Variants in USP17L7 observed in about 807,000 individuals in gnomAD.
The protein encoded by USP17L7 is ubiquitin specific peptidase 17 like family member 7.
USP17L7 carries 53 observed loss-of-function variants against 37.6 expected under a neutral mutation model. The ratio of observed to expected loss-of-function variants is 1.41; its 90% confidence interval spans 1.13 to 1.77. The LOEUF (loss-of-function observed/expected upper bound fraction) is 1.77. USP17L7 is among the 40% of genes most tolerant of loss of function. The probability of loss-of-function intolerance (pLI) is 0.00; values close to 1 mark genes in which losing one functional copy is unlikely to be tolerated. For missense variants in USP17L7, 914 were observed against 645.0 expected (o/e 1.42, Z -4.52); for synonymous variants, 330 against 251.0 (o/e 1.31, Z -2.98).
Position 12,132,877 on chromosome 8 carries a change from C to T in USP17L7, c.1133G>A (p.Trp378Ter), listed in dbSNP as rs1372070754. Residue 378 changes from tryptophan (W) to a stop codon, truncating the protein, a stop_gained, in exon 1 of 1, where the codon TGG becomes TAG. Coordinates refer to ENST00000530447, the MANE Select transcript of USP17L7 (RefSeq NM_001256869.2). LOFTEE classifies it high-confidence loss of function. ...YVLFYIQKSE[W>*]ERHSESVSRG... ...TGACACACTCTCACTGTGTCTTTCCCATTCACTCTTCTGGATGTAAAAGAG... is the reference window on the plus strand; with the variant it reads ...TGACACACTCTCACTGTGTCTTTCCTATTCACTCTTCTGGATGTAAAAGAG... The T allele has an allele frequency of 6.7e-7, 1 of 1,495,624 alleles. No individual in the cohort carries two copies. The highest frequency in any genetic ancestry group is 9.1e-7 in the Non-Finnish European group (1 of 1,095,070). 92.6% of individuals were successfully genotyped at this position (1,495,624 alleles called of 1,614,324 possible). A position where few individuals can be genotyped will look rare whatever the true frequency, so the allele number is the denominator to read the frequency against.
Position 12,133,554 on chromosome 8 carries a change from G to C in USP17L7, c.456C>G (p.Gly152=). The C allele has an allele frequency of 7.1e-7, 1 of 1,417,188 alleles. No homozygotes were observed. Among genetic ancestry groups the C allele is most frequent in the Non-Finnish European group, 9.7e-7 (1 of 1,027,172 alleles). 87.8% of individuals were successfully genotyped at this position (1,417,188 alleles called of 1,614,324 possible). Residue 152 remains glycine (G), a synonymous_variant, in exon 1 of 1, where the codon GGC becomes GGG. Transcript: ENST00000530447. ...VIQPSQVLAA[G]FHRGEQEDAH... ...CATCCTCCTGCTCACCTCTATGGAAGCCAGCAGCCAATACCTGTGAGGGCT... is the reference window on the plus strand; with the variant it reads ...CATCCTCCTGCTCACCTCTATGGAACCCAGCAGCCAATACCTGTGAGGGCT...
At position 12,133,935 on chromosome 8, in the gene USP17L7, T is replaced by A. The variant is rs774018125; in HGVS notation, c.75A>T (p.Leu25=). The A allele has an allele frequency of 2.1e-6, 3 of 1,399,178 alleles. 1 individual carries two copies. The highest frequency in any genetic ancestry group is 3.0e-6 in the Non-Finnish European group (3 of 1,011,176). The allele number at this position is 1,399,178 out of a possible 1,614,324, so 86.7% of individuals were successfully genotyped here. ...GCTGGATTTCAGCAAAAGCTGCATC[T>A]AGCCGAGAAGATGTGAGTTTTGAAA... ...NHFSKLTSSR[L]DAAFAEIQRT... is the part of the protein sequence containing the mutation. The change falls in exon 1 of 1, where the codon CTA becomes CTT. Residue 25 remains leucine (L), a synonymous_variant. Coordinates refer to ENST00000530447, the MANE Select transcript of USP17L7 (RefSeq NM_001256869.2).
chr8:12,132,894 G>A lies in USP17L7; in HGVS notation c.1116C>T (p.Tyr372=), dbSNP rs760814893. The change falls in exon 1 of 1, where the codon TAC becomes TAT. Residue 372 remains tyrosine, a synonymous_variant. Transcript: ENST00000530447. ...GTCTTTCCCATTCACTCTTCTGGAT[G>A]TAAAAGAGGACATAGGCCTGTTGAC... ...VLSQQAYVLF[Y]IQKSEWERHS... The A allele has an allele frequency of 3.1e-4, 455 of 1,491,298 alleles. 45 individuals carry two copies. The highest frequency in any genetic ancestry group is 3.8e-4 in the Non-Finnish European group (419 of 1,090,858). 92.4% of individuals were successfully genotyped at this position (1,491,298 alleles called of 1,614,324 possible).
Position 12,133,187 on chromosome 8 carries a change from C to T in USP17L7, c.823G>A (p.Val275Ile), listed in dbSNP as rs186384198. The T allele has an allele frequency of 6.6e-7, 1 of 1,511,028 alleles. No individual in the cohort carries two copies. The highest frequency in any genetic ancestry group is 1.7e-5 in the Admixed American group (1 of 57,332). The allele number at this position is 1,511,028 out of a possible 1,614,324, so 93.6% of individuals were successfully genotyped here. A position where few individuals can be genotyped will look rare whatever the true frequency, so the allele number is the denominator to read the frequency against. The change falls in exon 1 of 1, where the codon GTC becomes ATC. Residue 275 changes from valine (V) to isoleucine (I), a missense_variant. By Grantham distance (29) the Val-to-Ile change is conservative. Coordinates refer to ENST00000530447, the MANE Select transcript of USP17L7 (RefSeq NM_001256869.2). ...AATCTCTTCAATACAAGAATGAGGACCTTGGCAGAAGTGGGTAAAGTTAAC... is the reference window on the plus strand; with the variant it reads ...AATCTCTTCAATACAAGAATGAGGATCTTGGCAGAAGTGGGTAAAGTTAAC... Reference protein sequence around the residue: ...KTLTLPTSAKVLILVLKRFSD... With the variant: ...KTLTLPTSAKILILVLKRFSD...
In USP17L7 at chr8:12,133,985, C is replaced by A; in HGVS notation, c.25G>T (p.Gly9Ter). Residue 9 changes from glycine (G) to a stop codon, truncating the protein, a stop_gained, in exon 1 of 1, where the codon GGA (glycine) becomes TGA (stop). Transcript: ENST00000530447. LOFTEE classifies it high-confidence loss of function. ...AAGTGATTGAACTGCCAGTCACCTCCCAAATAGAGTGAGTCGTCTTCCATG... is the reference window on the plus strand; with the variant it reads ...AAGTGATTGAACTGCCAGTCACCTCACAAATAGAGTGAGTCGTCTTCCATG... The part of the protein sequence containing the change: MEDDSLYL[G>*]GDWQFNHFSK... 1.8e-6 allele frequency: 2 copies of A among 1,110,616 alleles called. No homozygotes were observed. Among genetic ancestry groups the A allele is most frequent in the Non-Finnish European group, 2.7e-6 (2 of 748,944 alleles). The allele number at this position is 1,110,616 out of a possible 1,614,324, so 68.8% of individuals were successfully genotyped here.
At position 12,134,031 on chromosome 8, in the gene USP17L7, A is replaced by C; in HGVS notation, c.-22T>G. On this transcript the variant is annotated 5_prime_UTR_variant, in exon 1 of 1. Coordinates refer to ENST00000530447, the MANE Select transcript of USP17L7 (RefSeq NM_001256869.2). Reference sequence around the variant, plus strand: ...CCATGTCGCCCGCAACAAGGATCACAAGGTTTTTCTGCTGGGACCGCAGGT... The same window carrying C: ...CCATGTCGCCCGCAACAAGGATCACCAGGTTTTTCTGCTGGGACCGCAGGT... 1 of 936,746 alleles carries C rather than the reference A, an allele frequency of 1.1e-6. No homozygotes were observed. Among genetic ancestry groups the C allele is most frequent in the Non-Finnish European group, 1.7e-6 (1 of 591,532 alleles). The allele number at this position is 936,746 out of a possible 1,614,324, so 58.0% of individuals were successfully genotyped here. A position where few individuals can be genotyped will look rare whatever the true frequency, so the allele number is the denominator to read the frequency against.
Position 12,134,003 on chromosome 8 carries a change from C to T in USP17L7, c.7G>A (p.Asp3Asn), listed in dbSNP as rs1441696314. 3 of 1,040,558 alleles carry T rather than the reference C, an allele frequency of 2.9e-6. No individual in the cohort carries two copies. Among genetic ancestry groups the T allele is most frequent in the African/African-American group, 1.6e-5 (1 of 63,726 alleles). The allele number at this position is 1,040,558 out of a possible 1,614,324, so 64.5% of individuals were successfully genotyped here. The change falls in exon 1 of 1, where the codon GAC becomes AAC. Residue 3 changes from aspartate to asparagine, a missense_variant. Transcript: ENST00000530447. ME[D>N]DSLYLGGDWQ... ...TCACCTCCCAAATAGAGTGAGTCGT[C>T]TTCCATGTCGCCCGCAACAAGGATC... is the stretch of plus-strand genomic sequence containing the variant.
rs779029740 is a variant in USP17L7, at chr8:12,133,146, G to A, written c.864C>T (p.Gly288=). 2.0e-5 allele frequency: 30 copies of A among 1,509,350 alleles called. 6 individuals are homozygous for A. Among genetic ancestry groups the A allele is most frequent in the Admixed American group, 1.7e-4 (10 of 57,316 alleles). 93.5% of individuals were successfully genotyped at this position (1,509,350 alleles called of 1,614,324 possible). A position where few individuals can be genotyped will look rare whatever the true frequency, so the allele number is the denominator to read the frequency against. The change falls in exon 1 of 1, where the codon GGC becomes GGT. Residue 288 remains glycine (G), a synonymous_variant. Transcript: ENST00000530447. ...LVLKRFSDVT[G]NKLAKNVQYP... Reference sequence around the variant, plus strand: ...ATTGCACATTCTTGGCAAGTTTGTTGCCTGTGACATCGGAGAATCTCTTCA... The same window carrying A: ...ATTGCACATTCTTGGCAAGTTTGTTACCTGTGACATCGGAGAATCTCTTCA...
Position 12,132,876 on chromosome 8 carries a change from C to G in USP17L7, c.1134G>C (p.Trp378Cys), listed in dbSNP as rs756653576. ...TTGACACACTCTCACTGTGTCTTTC[C>G]CATTCACTCTTCTGGATGTAAAAGA... The part of the protein sequence containing the change: ...YVLFYIQKSE[W>C]ERHSESVSRG... The change falls in exon 1 of 1, where the codon TGG (tryptophan) becomes TGC (cysteine). Residue 378 changes from tryptophan to cysteine, a missense_variant. Transcript: ENST00000530447. The G allele has an allele frequency of 2.7e-6, 4 of 1,495,082 alleles. No homozygotes were observed. The allele number at this position is 1,495,082 out of a possible 1,614,324, so 92.6% of individuals were successfully genotyped here.
chr8:12,133,233 C>G lies in USP17L7; in HGVS notation c.777G>C (p.Gln259His), dbSNP rs1302389016. 1 of 1,505,484 alleles carries G rather than the reference C, an allele frequency of 6.6e-7. No homozygotes were observed. Among genetic ancestry groups the G allele is most frequent in the African/African-American group, 1.4e-5 (1 of 71,562 alleles). 93.3% of individuals were successfully genotyped at this position (1,505,484 alleles called of 1,614,324 possible). A position where few individuals can be genotyped will look rare whatever the true frequency, so the allele number is the denominator to read the frequency against. The change falls in exon 1 of 1, where the codon CAG (glutamine) becomes CAC (histidine). Residue 259 changes from glutamine to histidine, a missense_variant. Physicochemically the swap from Gln to His is conservative, Grantham distance 24 (BLOSUM62 0). Coordinates refer to ENST00000530447, the MANE Select transcript of USP17L7 (RefSeq NM_001256869.2). The part of the protein sequence containing the change: ...ENAYHCGLCL[Q>H]KAPASKTLTL... ...TTAACGTCTTGGAGGCAGGCGCCTT[C>G]TGGAGACAAAGACCACAATGATAGG...
chr8:12,133,413 C>G lies in USP17L7; in HGVS notation c.597G>C (p.Ala199=), dbSNP rs9720236. The G allele has an allele frequency of 4.1e-6, 6 of 1,452,294 alleles. 2 individuals carry two copies. In the Admixed American group the frequency reaches 1.1e-4, roughly 25 times the overall value. 90.0% of individuals were successfully genotyped at this position (1,452,294 alleles called of 1,614,324 possible). Residue 199 remains alanine, a synonymous_variant, in exon 1 of 1, where the codon GCG becomes GCC. Coordinates refer to ENST00000530447, the MANE Select transcript of USP17L7 (RefSeq NM_001256869.2). ...GATACTTGATTTGAGATCTCCAATA[C>G]GCTCCAAATATTTGGTGGATGAGGG... The part of the protein sequence containing the change: ...DTTLIHQIFG[A]YWRSQIKYLH...
At position 12,132,963 on chromosome 8, in the gene USP17L7, C is replaced by A. The variant is rs1424412259; in HGVS notation, c.1047G>T (p.Met349Ile). The A allele has an allele frequency of 7.8e-6, 12 of 1,530,060 alleles. 1 individual carries two copies. The South Asian group carries it at 1.4e-4, about 17-fold the overall frequency. The allele number at this position is 1,530,060 out of a possible 1,614,324, so 94.8% of individuals were successfully genotyped here. Residue 349 changes from methionine (M) to isoleucine (I), a missense_variant, in exon 1 of 1, where the codon ATG becomes ATT. Met to Ile is a conservative substitution (Grantham distance 10). Coordinates refer to ENST00000530447, the MANE Select transcript of USP17L7 (RefSeq NM_001256869.2). ...VKAQEGQWYKMDDAEVTASGI... is the reference protein window; with the variant it reads ...VKAQEGQWYKIDDAEVTASGI... ...CAGAGGCAGTGACCTCGGCATCATC[C>A]ATTTTATACCACTGGCCTTCTTGAG... is the stretch of plus-strand genomic sequence containing the variant.
Position 12,132,948 on chromosome 8 carries a change from G to A in USP17L7, c.1062C>T (p.Val354=). 2 of 1,530,540 alleles carry A rather than the reference G, an allele frequency of 1.3e-6. 1 individual carries two copies. Among genetic ancestry groups the A allele is most frequent in the South Asian group, 2.5e-5 (2 of 81,062 alleles). The allele number at this position is 1,530,540 out of a possible 1,614,324, so 94.8% of individuals were successfully genotyped here. The change falls in exon 1 of 1, where the codon GTC becomes GTT. Residue 354 remains valine (V), a synonymous_variant. Coordinates refer to ENST00000530447, the MANE Select transcript of USP17L7 (RefSeq NM_001256869.2). ...GQWYKMDDAE[V]TASGITSVLS... ...GGACAGAGGTGATGCCAGAGGCAGTGACCTCGGCATCATCCATTTTATACC... is the reference window on the plus strand; with the variant it reads ...GGACAGAGGTGATGCCAGAGGCAGTAACCTCGGCATCATCCATTTTATACC...
chr8:12,132,534 C>T lies in USP17L7; in HGVS notation c.1476G>A (p.Thr492=), dbSNP rs530899859. 5.7e-4 allele frequency: 857 copies of T among 1,512,598 alleles called. 19 individuals carry two copies. The highest frequency in any genetic ancestry group is 1.2e-3 in the Admixed American group (67 of 57,034). The allele number at this position is 1,512,598 out of a possible 1,614,324, so 93.7% of individuals were successfully genotyped here. Residue 492 remains threonine (T), a synonymous_variant, in exon 1 of 1, where the codon ACG becomes ACA. Transcript: ENST00000530447. The part of the protein sequence containing the change: ...QQSSLLNLSS[T]KPTDQESMNT... ...TCATGGACTCCTGATCTGTCGGTTT[C>T]GTCGAAGAGAGGTTTAGCAGGGAGC...
Position 12,134,074 on chromosome 8 carries a change from T to C in USP17L7, c.-65A>G. ...CCGCAGGTTGCAGCAAGACGCTATC[T>C]CTTCCGAGAGAGTCTTCAAATGACC... On this transcript the variant is annotated 5_prime_UTR_variant, in exon 1 of 1. Transcript: ENST00000530447. The C allele has an allele frequency of 1.2e-6, 1 of 817,236 alleles. No homozygotes were observed. The highest frequency in any genetic ancestry group is 2.1e-6 in the Non-Finnish European group (1 of 485,034). The allele number at this position is 817,236 out of a possible 1,614,324, so 50.6% of individuals were successfully genotyped here.
rs1802954455 is a variant in USP17L7, at chr8:12,132,505, G to C, written c.1505C>G (p.Thr502Ser). Residue 502 changes from threonine to serine, a missense_variant, in exon 1 of 1, where the codon ACT becomes AGT. Physicochemically the swap from Thr to Ser is moderately conservative, Grantham distance 58. Coordinates refer to ENST00000530447, the MANE Select transcript of USP17L7 (RefSeq NM_001256869.2). ...CCCTTGCAGAGAAGCGAGTGTGCCA[G>C]TGTTCATGGACTCCTGATCTGTCGG... ...TKPTDQESMN[T>S]GTLASLQGST... The C allele has an allele frequency of 2.0e-6, 3 of 1,479,546 alleles. No homozygotes were observed. Among genetic ancestry groups the C allele is most frequent in the Non-Finnish European group, 1.8e-6 (2 of 1,083,138 alleles). 91.7% of individuals were successfully genotyped at this position (1,479,546 alleles called of 1,614,324 possible). A position where few individuals can be genotyped will look rare whatever the true frequency, so the allele number is the denominator to read the frequency against.
rs1802975664 is a variant in USP17L7 at position 12,132,779 on chromosome 8, C to G, written c.1231G>C (p.Asp411His). 1 of 1,516,982 alleles carries G rather than the reference C, an allele frequency of 6.6e-7. No individual in the cohort carries two copies. The highest frequency in any genetic ancestry group is 1.4e-5 in the African/African-American group (1 of 71,542). The allele number at this position is 1,516,982 out of a possible 1,614,324, so 94.0% of individuals were successfully genotyped here. The change falls in exon 1 of 1, where the codon GAC becomes CAC. Residue 411 changes from aspartate (D) to histidine (H), a missense_variant. Physicochemically the swap from Asp to His is moderately conservative, Grantham distance 81. Coordinates refer to ENST00000530447, the MANE Select transcript of USP17L7 (RefSeq NM_001256869.2). ...TCGGGTACCTGGAGGCAAGGGTGGT[C>G]TCTCTTGAGCTCTCCTTGCGTTGCT... is the stretch of plus-strand genomic sequence containing the variant. The part of the protein sequence containing the change: ...RPATQGELKR[D>H]HPCLQVPELD...
chr8:12,133,787 G>A lies in USP17L7; in HGVS notation c.223C>T (p.Pro75Ser), dbSNP rs1371072022. The change falls in exon 1 of 1, where the codon CCT becomes TCT. Residue 75 changes from proline to serine, a missense_variant. Pro to Ser is a moderately conservative substitution (Grantham distance 74). Transcript: ENST00000530447. ...TGGAGCCCAGCCCCCACCGCAGCAGGTCTCCTGCTACTCAGAGGAAGCTTC... is the reference window on the plus strand; with the variant it reads ...TGGAGCCCAGCCCCCACCGCAGCAGATCTCCTGCTACTCAGAGGAAGCTTC... ...REKLPLSSRR[P>S]AAVGAGLQKI... 4 of 1,505,510 alleles carry A rather than the reference G, an allele frequency of 2.7e-6. 1 individual carries two copies. The Admixed American group carries it at 5.2e-5, about 20-fold the overall frequency. 93.3% of individuals were successfully genotyped at this position (1,505,510 alleles called of 1,614,324 possible). A position where few individuals can be genotyped will look rare whatever the true frequency, so the allele number is the denominator to read the frequency against.
chr8:12,133,473 C>A lies in USP17L7; in HGVS notation c.537G>T (p.Gly179=), dbSNP rs545576177. ...VDAMKKACLP[G]HKQLDHHSKD... The stretch of plus-strand genomic sequence containing the variant: ...TGGAGTGATGATCTAGCTGCTTGTG[C>A]CCGGGAAGGCATGCCTTTTTCATGG... The change falls in exon 1 of 1, where the codon GGG becomes GGT. Residue 179 remains glycine (G), a synonymous_variant. Coordinates refer to ENST00000530447, the MANE Select transcript of USP17L7 (RefSeq NM_001256869.2). 6 of 1,474,208 alleles carry A rather than the reference C, an allele frequency of 4.1e-6. 1 individual carries two copies. Among genetic ancestry groups the A allele is most frequent in the Non-Finnish European group, 5.5e-6 (6 of 1,081,802 alleles). The allele number at this position is 1,474,208 out of a possible 1,614,324, so 91.3% of individuals were successfully genotyped here. A position where few individuals can be genotyped will look rare whatever the true frequency, so the allele number is the denominator to read the frequency against.
Sources: allele counts gnomAD v4.1 joint callset, GRCh38; gene constraint gnomAD v4.1.1; transcripts MANE v1.5; gene names NCBI Gene and HGNC (gene_info 2026-07-23, HGNC 2026-07-21).